The following PLEKHH2 variants were observed in gnomAD, a reference collection of about 807,000 sequenced individuals.
The protein encoded by PLEKHH2 is pleckstrin homology, MyTH4 and FERM domain containing H2, also known as pleckstrin homology domain-containing family H member 2.
In PLEKHH2, 129 loss-of-function variants were observed where a neutral mutation model predicts 187.9. That is an observed-to-expected ratio of 0.69 (90% CI 0.59 to 0.79). PLEKHH2 has a LOEUF of 0.79. PLEKHH2 is among the 30% of genes least tolerant of loss of function. The pLI, the probability that PLEKHH2 is intolerant of heterozygous loss-of-function variation, is 0.00. For synonymous variants in PLEKHH2, 686 were observed against 605.6 expected (o/e 1.13, Z -1.95); for missense variants, 2,076 against 1,751.2 (o/e 1.19, Z -3.31).
intron 3 of PLEKHH2, chr2:43,679,494 CTTTTTTTTT>C (rs70965314): frequency 7.9e-6 from 2 of 252,806 alleles, no homozygotes; most frequent in Non-Finnish European, 7.4e-6. Context: ...GATTTTTTCC[CTTTTTTTTT>C]TTTTTTTTTT....
chr2:43,723,984 T>A (rs1594582), intron 16 of PLEKHH2, among the ~76,000 whole-genome samples: 4 of 152,048 alleles, frequency 2.6e-5, no homozygotes, highest in Admixed American at 2.6e-4. Flanking sequence ...ATTCTGAAAG[T>A]CTTGTTGACA....
chr2:43,687,167 C>T (rs562564064), intron 3 of PLEKHH2, among the ~76,000 whole-genome samples: 1 of 152,264 alleles, frequency 6.6e-6, no homozygotes, highest in South Asian at 2.1e-4. Flanking sequence ...TCTCATAGTC[C>T]TCAGTGTCTG....
At chr2:43,739,000 T>C (rs1290114537) in intron 20 of PLEKHH2, among the ~76,000 whole-genome samples, 1 of 152,194 alleles carries the variant, frequency 6.6e-6, no homozygotes, top group South Asian at 2.1e-4. Context: ...CAAGCAATTC[T>C]CCTGCCTCAG....
In PLEKHH2 at chr2:43,757,190, T is replaced by C; in HGVS notation, c.3867T>C (p.Asn1289=). ...AGHVTNQCKV[N]QTLKQVIEKF... is the part of the protein sequence containing the mutation. The stretch of plus-strand genomic sequence containing the variant: ...ATGTTACCAATCAGTGCAAAGTGAA[T>C]CAAACTCTAAAGCAAGTCATAGAGA... Residue 1289 remains asparagine (N), a synonymous_variant, in exon 26 of 30, where the codon AAT becomes AAC. Transcript: ENST00000282406. The C allele has an allele frequency of 6.2e-7, 1 of 1,605,074 alleles. No homozygotes were observed. The highest frequency in any genetic ancestry group is 8.5e-7 in the Non-Finnish European group (1 of 1,176,444).
At chr2:43,644,910 G>C in intron 2 of PLEKHH2, 114 bp downstream of exon 2, 1 of 1,185,892 alleles carries the variant, frequency 8.4e-7, no homozygotes, top group Non-Finnish European at 1.1e-6. Flanking sequence ...TCAAGTATTT[G>C]AAGCTATATT....
chr2:43,694,315 A>G, intron 4 of PLEKHH2, 116 bp from the exon 5 acceptor site: 1 of 1,193,290 alleles, frequency 8.4e-7, no homozygotes, highest in African/African-American at 1.6e-5. Flanking sequence ...ATTTGAAAGC[A>G]GATATAGTAA....
At chr2:43,720,891 GA>G in intron 16 of PLEKHH2, 142 bp downstream of exon 16, 1 of 1,290,526 alleles carries the variant, frequency 7.7e-7, no homozygotes, top group East Asian at 2.6e-5. Flanking sequence ...GTGCAACTGA[GA>G]AAATCACACA....
chr2:43,725,443 C>T (rs570681250), intron 16 of PLEKHH2, among the ~76,000 whole-genome samples: 1 of 152,248 alleles, frequency 6.6e-6, no homozygotes, highest in Non-Finnish European at 1.5e-5. Context: ...CCTTCTGTGC[C>T]GAAGCTGTCT....
intron 2 of PLEKHH2, among the ~76,000 whole-genome samples, chr2:43,651,631 G>A (rs1297488157): frequency 6.6e-6 from 1 of 151,950 alleles, no homozygotes. Context: ...CACTGTGTGC[G>A]TCTGGCATAT....
chr2:43,671,055 C>G (rs1407685628), intron 2 of PLEKHH2, among the ~76,000 whole-genome samples: 1 of 151,376 alleles, frequency 6.6e-6, no homozygotes, highest in African/African-American at 2.4e-5. Context: ...GTAATCTCGG[C>G]TCACTGCAAC....
chr2:43,735,851 C>T lies in PLEKHH2; in HGVS notation c.2944-2490C>T, dbSNP rs115490427. 6.9e-3 allele frequency among the ~76,000 whole-genome samples: 1,048 copies of T among 151,896 alleles called. 17 individuals are homozygous for T. The highest frequency in any genetic ancestry group is 0.024 in the African/African-American group (1,004 of 41,412). On this transcript the variant is annotated intron_variant, in intron 19 of 29. Coordinates refer to ENST00000282406, the MANE Select transcript of PLEKHH2 (RefSeq NM_172069.4). ...GGGAGATAATCATATCTGTAGATGC[C>T]GAAAAGGCATTTGACAAATTTAACA...
At chr2:43,749,451 C>T (rs759010863) in intron 24 of PLEKHH2, among the ~76,000 whole-genome samples, 2 of 152,218 alleles carry the variant, frequency 1.3e-5, no homozygotes, top group South Asian at 2.1e-4. Context: ...GGTACATGTT[C>T]TCAGGACCTC....
intron 10 of PLEKHH2, among the ~76,000 whole-genome samples, 175 bp downstream of exon 10, chr2:43,706,591 A>T (rs943686953): frequency 6.6e-6 from 1 of 152,240 alleles, no homozygotes; most frequent in Admixed American, 6.5e-5. Context: ...AAAGGTCTGC[A>T]GAAGACACTT....
intron 20 of PLEKHH2, among the ~76,000 whole-genome samples, chr2:43,739,078 A>T (rs1671438064): frequency 6.6e-6 from 1 of 152,106 alleles, no homozygotes; most frequent in African/African-American, 2.4e-5. Flanking sequence ...TTTAGCAGAG[A>T]TGGGGTTTCA....
intron 24 of PLEKHH2, among the ~76,000 whole-genome samples, chr2:43,753,092 G>A (rs1431871465): frequency 3.3e-5 from 5 of 152,124 alleles, no homozygotes; most frequent in Non-Finnish European, 5.9e-5. Context: ...GATCATGAGG[G>A]TTTTGAAGAC....
Position 43,765,849 on chromosome 2 carries a change from C to T in PLEKHH2, c.*251C>T, listed in dbSNP as rs1672602461. The T allele has an allele frequency of 2.7e-6, 1 of 364,300 alleles. No individual in the cohort carries two copies. The highest frequency in any genetic ancestry group is 2.1e-5 in the African/African-American group (1 of 47,960). The allele number at this position is 364,300 out of a possible 1,614,324, so 22.6% of individuals were successfully genotyped here. ...AATGAGTAAGAATTCATCATTTTTT[C>T]CATCTCCCTTCTCCCTTGTCATCAG... On this transcript the variant is annotated 3_prime_UTR_variant, in exon 30 of 30. Transcript: ENST00000282406.
At chr2:43,658,330 T>A (rs983197841) in intron 2 of PLEKHH2, among the ~76,000 whole-genome samples, 1 of 152,248 alleles carries the variant, frequency 6.6e-6, no homozygotes, top group Non-Finnish European at 1.5e-5. Flanking sequence ...TTTCATGTTA[T>A]GAGCTCTCTC....
intron 21 of PLEKHH2, 122 bp from the exon 22 acceptor site, chr2:43,742,619 G>T: frequency 1.5e-6 from 1 of 673,702 alleles, no homozygotes; most frequent in Non-Finnish European, 2.2e-6. Context: ...TTCAAAAAAA[G>T]TTACTGTCAA....
intron 8 of PLEKHH2, among the ~76,000 whole-genome samples, chr2:43,702,517 C>T (rs993896187): frequency 2.4e-5 from 3 of 124,636 alleles, no homozygotes; most frequent in African/African-American, 9.5e-5. Flanking sequence ...TTTGGCAACC[C>T]ATTCTACTAC....
Sources: allele counts gnomAD v4.1 joint callset (sites outside exome capture counted in the v4.1 genomes callset), GRCh38; gene constraint gnomAD v4.1.1; transcripts MANE v1.5; gene names NCBI Gene and HGNC (gene_info 2026-07-23, HGNC 2026-07-21).